Variants in MCCC1 observed in about 807,000 individuals in gnomAD.
MCCC1 encodes the protein methylcrotonyl-CoA carboxylase subunit 1.
Under a neutral mutation model 83.8 loss-of-function variants are expected in MCCC1, and 64 were observed. The ratio of observed to expected loss-of-function variants is 0.76; its 90% confidence interval spans 0.62 to 0.94. The LOEUF (loss-of-function observed/expected upper bound fraction) is 0.94, where lower values mean the gene tolerates loss of function less well. MCCC1 is among the 40% of genes least tolerant of loss of function. The pLI, the probability that MCCC1 is intolerant of heterozygous loss-of-function variation, is 0.00. For synonymous variants in MCCC1, 322 were observed against 315.4 expected (o/e 1.02, Z -0.22); for missense variants, 807 against 904.7 (o/e 0.89, Z 1.39).
chr3:183,028,906 T>C (rs1208848295), intron 14 of MCCC1, among the ~76,000 whole-genome samples: 4 of 152,222 alleles, frequency 2.6e-5, no homozygotes, highest in Non-Finnish European at 4.4e-5. Context: ...CAAGACCCTA[T>C]GCCAGCAACA....
At position 183,026,197 on chromosome 3, in the gene MCCC1, C is replaced by T. The variant is rs574113793; in HGVS notation, c.1682-393G>A. Among the ~76,000 whole-genome samples the T allele has an allele frequency of 3.9e-5, 6 of 152,170 alleles. No homozygotes were observed. In the South Asian group the frequency reaches 8.3e-4, roughly 21 times the overall value. On this transcript the variant is annotated intron_variant, in intron 14 of 18. Coordinates refer to ENST00000265594, the MANE Select transcript of MCCC1 (RefSeq NM_020166.5). ...AGCTGGGACTACAGGCGTGCCACCA[C>T]GCCCGGCTAATTTTTTGATTTTTTT...
At chr3:183,057,457 G>A in intron 7 of MCCC1, 35 bp from the exon 8 acceptor site, 2 of 1,469,744 alleles carry the variant, frequency 1.4e-6, no homozygotes, top group Non-Finnish European at 9.4e-7. Flanking sequence ...TAATATATTT[G>A]TTAGGGGTGA....
At chr3:183,085,093 A>C (rs1717794224) in intron 4 of MCCC1, among the ~76,000 whole-genome samples, 1 of 152,234 alleles carries the variant, frequency 6.6e-6, no homozygotes, top group Non-Finnish European at 1.5e-5. Context: ...CAAGAAATCA[A>C]ATGCGGAATG....
intron 12 of MCCC1, 59 bp from the exon 13 acceptor site, chr3:183,037,493 A>G: frequency 7.4e-7 from 1 of 1,348,570 alleles, no homozygotes; most frequent in Non-Finnish European, 1.1e-6. Context: ...TGTTCAGAAA[A>G]CCATCTGCTC....
At chr3:183,039,657 G>A (rs1713904460) in intron 11 of MCCC1, among the ~76,000 whole-genome samples, 1 of 152,198 alleles carries the variant, frequency 6.6e-6, no homozygotes, top group East Asian at 1.9e-4. Context: ...CAGTCCTAGA[G>A]AACAAGAATC....
At chr3:183,108,042 T>G (rs1392601471) in intron 1 of MCCC1, among the ~76,000 whole-genome samples, 1 of 152,252 alleles carries the variant, frequency 6.6e-6, no homozygotes, top group Non-Finnish European at 1.5e-5. Flanking sequence ...GCTTCCTAAA[T>G]GAGGAAGTAC....
Position 183,070,962 on chromosome 3 carries a change from T to G in MCCC1, c.761+37A>C, listed in dbSNP as rs1716624774. The G allele has an allele frequency of 1.2e-5, 19 of 1,588,438 alleles. No individual in the cohort carries two copies. In the East Asian group the frequency reaches 4.3e-4, roughly 36 times the overall value. The stretch of plus-strand genomic sequence containing the variant: ...GCATGCATTATTTTTATAATTTAAT[T>G]TTTAAACTCTGAGTCAGAAAAATAA... On this transcript the variant is annotated intron_variant, in intron 7 of 18. Transcript: ENST00000265594.
chr3:183,101,784 C>G (rs1390832465), upstream of MCCC1, among the ~76,000 whole-genome samples: 1 of 152,126 alleles, frequency 6.6e-6, no homozygotes, highest in Non-Finnish European at 1.5e-5. Flanking sequence ...TGGGTCCACG[C>G]TGCTTTTATG....
At chr3:183,099,547 C>T (rs925122681), upstream of MCCC1, 4 of 1,336,714 alleles carry the variant, frequency 3.0e-6, no homozygotes, top group East Asian at 2.5e-5. Context: ...CGCCGGCCAC[C>T]GTCGGAGCCT....
upstream of MCCC1, among the ~76,000 whole-genome samples, chr3:183,101,702 C>T (rs928765574): frequency 1.3e-4 from 20 of 152,200 alleles, no homozygotes; most frequent in Admixed American, 3.3e-4. Context: ...GCAACCTGCT[C>T]GGGTCCCATT....
intron 4 of MCCC1, among the ~76,000 whole-genome samples, chr3:183,078,551 T>A (rs1446194445): frequency 6.6e-6 from 1 of 152,230 alleles, no homozygotes; most frequent in Non-Finnish European, 1.5e-5. Flanking sequence ...TTCTTTAGTA[T>A]CTCTCAGCAA....
chr3:183,114,264 C>T (rs1267329239), intron 1 of MCCC1, among the ~76,000 whole-genome samples: 4 of 152,156 alleles, frequency 2.6e-5, no homozygotes, highest in Non-Finnish European at 5.9e-5. Flanking sequence ...TTTTTGACTA[C>T]TTAACTTCTG....
chr3:183,073,335 C>T (rs1716835458), intron 4 of MCCC1, among the ~76,000 whole-genome samples: 1 of 152,158 alleles, frequency 6.6e-6, no homozygotes, highest in Non-Finnish European at 1.5e-5. Context: ...CTGTGTAAAA[C>T]TGGCCTAGAA....
Position 183,085,059 on chromosome 3 carries a change from A to T in MCCC1, c.369+1634T>A, listed in dbSNP as rs151334665. 6.1e-3 allele frequency among the ~76,000 whole-genome samples: 929 copies of T among 152,332 alleles called. 11 individuals are homozygous for T. Among genetic ancestry groups the T allele is most frequent in the African/African-American group, 0.021 (876 of 41,584 alleles). ...CATTAAACTCGTTAAACAAAGCACT[A>T]ATTAAGTATAAATATGACTAGAACA... On this transcript the variant is annotated intron_variant, in intron 4 of 18. Transcript: ENST00000265594.
chr3:183,044,643 G>A (rs1440245458), intron 10 of MCCC1, among the ~76,000 whole-genome samples: 1 of 152,102 alleles, frequency 6.6e-6, no homozygotes, highest in Non-Finnish European at 1.5e-5. Context: ...GAATGCTGTG[G>A]CCTTAGGTAG....
chr3:183,052,316 C>T, intron 8 of MCCC1, 76 bp from the exon 9 acceptor site: 1 of 1,247,060 alleles, frequency 8.0e-7, no homozygotes, highest in Non-Finnish European at 1.2e-6. Flanking sequence ...TCAATTCAGT[C>T]AGGTGCCACA....
chr3:183,023,522 T>C (rs1712330778), intron 15 of MCCC1, among the ~76,000 whole-genome samples: 2 of 152,190 alleles, frequency 1.3e-5, no homozygotes, highest in Non-Finnish European at 2.9e-5. Flanking sequence ...TTAGAACAAA[T>C]TGGCAATCTA....
At chr3:183,053,451 G>A (rs561800635) in intron 8 of MCCC1, among the ~76,000 whole-genome samples, 3 of 152,164 alleles carry the variant, frequency 2.0e-5, no homozygotes, top group African/African-American at 7.2e-5. Context: ...TTGTGCCACT[G>A]CACTCTAGCC....
intron 1 of MCCC1, among the ~76,000 whole-genome samples, chr3:183,109,576 G>T (rs1296470485): frequency 6.6e-6 from 1 of 152,150 alleles, no homozygotes; most frequent in African/African-American, 2.4e-5. Context: ...TTGCTGCAAA[G>T]GACATGATTT....
Sources: allele counts gnomAD v4.1 joint callset (sites outside exome capture counted in the v4.1 genomes callset), GRCh38; gene constraint gnomAD v4.1.1; transcripts MANE v1.5; gene names NCBI Gene and HGNC (gene_info 2026-07-23, HGNC 2026-07-21).